IL12RB2: variants seen among roughly 807,000 people sequenced by gnomAD.
The protein encoded by IL12RB2 is interleukin-12 receptor subunit beta-2.
Under a neutral mutation model 89.4 loss-of-function variants are expected in IL12RB2, and 82 were observed. The observed-to-expected ratio is 0.92, with a 90% confidence interval of 0.77 to 1.10. The LOEUF (loss-of-function observed/expected upper bound fraction) is 1.10, where lower values mean the gene tolerates loss of function less well. Ranked by LOEUF, IL12RB2 falls within the 50% of genes least tolerant of loss-of-function variation. IL12RB2 has a pLI of 0.00. For synonymous variants in IL12RB2, 368 were observed against 370.1 expected, an observed-to-expected ratio of 0.99 and a Z score of 0.07; for missense variants, 963 against 1,031.9, an observed-to-expected ratio of 0.93 and a Z score of 0.92.
rs112421992 is a variant in IL12RB2, at chr1:67,363,308, C to A, written c.1259-4517C>A. Among the ~76,000 whole-genome samples, 343 of 150,248 alleles carry A rather than the reference C, an allele frequency of 2.3e-3. 4 individuals carry two copies. Among genetic ancestry groups the A allele is most frequent in the African/African-American group, 7.9e-3 (323 of 40,694 alleles). On this transcript the variant is annotated intron_variant, in intron 10 of 16. Coordinates refer to ENST00000674203, the MANE Select transcript of IL12RB2 (RefSeq NM_001374259.2). ...CTTGGCTCACCACAACCTCCGCCTC[C>A]CAGGTTCAAGCGATTCTCCTGCCTC...
At chr1:67,318,592 G>A (rs185540773) in intron 2 of IL12RB2, among the ~76,000 whole-genome samples, 1 of 152,136 alleles carries the variant, frequency 6.6e-6, no homozygotes, top group South Asian at 2.1e-4. Context: ...TGAGAAAAAG[G>A]TTAGAATCAA....
At chr1:67,362,011 G>A (rs991997053) in intron 10 of IL12RB2, among the ~76,000 whole-genome samples, 19 of 147,278 alleles carry the variant, frequency 1.3e-4, no homozygotes, top group South Asian at 2.2e-4. Flanking sequence ...TGGCTCACGC[G>A]TGTAATCCCA....
intron 13 of IL12RB2, among the ~76,000 whole-genome samples, chr1:67,374,524 G>A (rs1010029533): frequency 6.7e-6 from 1 of 148,640 alleles, no homozygotes; most frequent in Admixed American, 6.8e-5. Context: ...TGCCTAGGCT[G>A]GAGTGCAATG....
chr1:67,335,960 T>C (rs146809387), intron 8 of IL12RB2, among the ~76,000 whole-genome samples: 40 of 152,338 alleles, frequency 2.6e-4, no homozygotes, highest in African/African-American at 9.4e-4. Flanking sequence ...TGTAATAATC[T>C]GTTAGGTTGT....
In IL12RB2 at chr1:67,340,482, C is replaced by T. The variant is rs1001769037; in HGVS notation, c.1038+1779C>T. ...ATATGCTACGTGTTAATCTATTCCA[C>T]GCCTCTCAACTCAAGGGTTTCTCTC... On this transcript the variant is annotated intron_variant, in intron 9 of 16. Coordinates refer to ENST00000674203, the MANE Select transcript of IL12RB2 (RefSeq NM_001374259.2). Among the ~76,000 whole-genome samples the T allele has an allele frequency of 4.6e-5, 7 of 152,298 alleles. No individual in the cohort carries two copies. In the South Asian group the frequency reaches 6.2e-4, roughly 14 times the overall value.
chr1:67,392,580 C>A (rs1040925628), intron 16 of IL12RB2, among the ~76,000 whole-genome samples: 11 of 150,810 alleles, frequency 7.3e-5, no homozygotes, highest in Non-Finnish European at 1.3e-4. Context: ...AGTATGAAGG[C>A]CACTTAATTT....
chr1:67,334,413 C>T (rs1281589985), intron 8 of IL12RB2, among the ~76,000 whole-genome samples: 1 of 152,204 alleles, frequency 6.6e-6, no homozygotes, highest in Non-Finnish European at 1.5e-5. Flanking sequence ...TGTGTTCCAA[C>T]AAAACTTTAT....
intron 14 of IL12RB2, 53 bp downstream of exon 14, chr1:67,380,176 T>A: frequency 6.4e-7 from 1 of 1,562,698 alleles, no homozygotes; most frequent in South Asian, 1.1e-5. Flanking sequence ...TGCACAGGCA[T>A]GCACTCCTAT....
At chr1:67,357,486 G>A (rs146189781) in intron 10 of IL12RB2, among the ~76,000 whole-genome samples, 7 of 152,060 alleles carry the variant, frequency 4.6e-5, no homozygotes, top group African/African-American at 1.7e-4. Context: ...TAGCAAAAGT[G>A]TTTTTTTTAA....
In IL12RB2 at chr1:67,321,835, G is replaced by T. The variant is rs200302484; in HGVS notation, c.310G>T (p.Ala104Ser). Residue 104 changes from alanine (A) to serine (S), a missense_variant, in exon 4 of 17, where the codon GCC becomes TCC. Physicochemically the swap from Ala to Ser is moderately conservative, Grantham distance 99. Transcript: ENST00000674203. ...TACAACCTTGTTTGTCTGCAAACTGGCCTGTATCAATAGTGATGAAATTCA... is the reference window on the plus strand; with the variant it reads ...TACAACCTTGTTTGTCTGCAAACTGTCCTGTATCAATAGTGATGAAATTCA... The part of the protein sequence containing the change: ...LGTTLFVCKL[A>S]CINSDEIQIC... 4 of 1,613,528 alleles carry T rather than the reference G, an allele frequency of 2.5e-6. No individual in the cohort carries two copies. The highest frequency in any genetic ancestry group is 2.7e-5 in the African/African-American group (2 of 74,892).
At chr1:67,363,736 T>C (rs903149084) in intron 10 of IL12RB2, among the ~76,000 whole-genome samples, 5 of 152,232 alleles carry the variant, frequency 3.3e-5, no homozygotes, top group African/African-American at 1.2e-4. Flanking sequence ...AGCAGTATAT[T>C]GTTATTTGAA....
intron 4 of IL12RB2, 38 bp from the exon 5 acceptor site, chr1:67,326,697 C>T (rs1334956962): frequency 1.9e-6 from 3 of 1,606,334 alleles, no homozygotes; most frequent in African/African-American, 2.7e-5. Context: ...GAAATATCAC[C>T]TGTGTGATAT....
At chr1:67,336,316 G>A (rs1300267035) in intron 8 of IL12RB2, among the ~76,000 whole-genome samples, 2 of 152,160 alleles carry the variant, frequency 1.3e-5, no homozygotes, top group Non-Finnish European at 2.9e-5. Context: ...ATGCACCCTT[G>A]CGTTGTGTGA....
At chr1:67,346,405 T>TC (rs1469845360) in intron 9 of IL12RB2, among the ~76,000 whole-genome samples, 31 of 127,986 alleles carry the variant, frequency 2.4e-4, no homozygotes, top group Admixed American at 8.0e-4. Flanking sequence ...TTTTTTTTTT[T>TC]CGACAGGTTC....
chr1:67,350,036 C>T (rs1156650446), intron 9 of IL12RB2, among the ~76,000 whole-genome samples: 1 of 152,174 alleles, frequency 6.6e-6, no homozygotes, highest in African/African-American at 2.4e-5. Context: ...GCAAACACAG[C>T]CGGAGGCCCC....
At chr1:67,309,604 C>T (rs1013503794) in intron 1 of IL12RB2, among the ~76,000 whole-genome samples, 10 of 152,242 alleles carry the variant, frequency 6.6e-5, no homozygotes, top group Non-Finnish European at 4.4e-5. Flanking sequence ...TATGTCATGC[C>T]TCTTGAATGT....
Position 67,321,633 on chromosome 1 carries a change from G to A in IL12RB2, c.108G>A (p.Lys36=), listed in dbSNP as rs764457330. The A allele has an allele frequency of 6.2e-7, 1 of 1,606,562 alleles. No individual in the cohort carries two copies. The highest frequency in any genetic ancestry group is 2.2e-5 in the East Asian group (1 of 44,842). ...DACKRGDVTV[K]PSHVILLGST... is the part of the protein sequence containing the mutation. ...GCAAGAGAGGCGATGTGACTGTGAA[G>A]CCTTCCCATGTAATTTTACTTGGAT... is the stretch of plus-strand genomic sequence containing the variant. The change falls in exon 4 of 17, where the codon AAG becomes AAA. Residue 36 remains lysine (K), a synonymous_variant. Coordinates refer to ENST00000674203, the MANE Select transcript of IL12RB2 (RefSeq NM_001374259.2).
chr1:67,350,821 C>T (rs1416395913), intron 9 of IL12RB2, 49 bp from the exon 10 acceptor site: 7 of 1,607,254 alleles, frequency 4.4e-6, no homozygotes, highest in Non-Finnish European at 1.7e-6. Context: ...CACAGAGCAT[C>T]AGTGATCTTG....
chr1:67,321,275 A>C (rs1656479442), intron 3 of IL12RB2, among the ~76,000 whole-genome samples: 1 of 152,172 alleles, frequency 6.6e-6, no homozygotes, highest in African/African-American at 2.4e-5. Context: ...AATAATTTGC[A>C]TATAAGAGAG....
Sources: allele counts gnomAD v4.1 joint callset (sites outside exome capture counted in the v4.1 genomes callset), GRCh38; gene constraint gnomAD v4.1.1; transcripts MANE v1.5; gene names NCBI Gene and HGNC (gene_info 2026-07-23, HGNC 2026-07-21).